The following MME variants were observed in gnomAD, a reference collection of about 807,000 sequenced individuals.
MME encodes membrane metalloendopeptidase, also known as neprilysin.
A neutral mutation model predicts 113.2 loss-of-function variants in MME; 98 were observed. That is an observed-to-expected ratio of 0.87 (90% CI 0.74 to 1.02). The LOEUF (loss-of-function observed/expected upper bound fraction) is 1.02. MME is among the 50% of genes least tolerant of loss of function. The pLI, the probability that MME is intolerant of heterozygous loss-of-function variation, is 0.00. For synonymous variants in MME, 292 were observed against 300.6 expected (o/e 0.97, Z 0.30); for missense variants, 836 against 896.0 (o/e 0.93, Z 0.86).
intron 3 of MME, among the ~76,000 whole-genome samples, chr3:155,109,857 C>T (rs1718038390): frequency 6.6e-6 from 1 of 152,206 alleles, no homozygotes; most frequent in African/African-American, 2.4e-5. Context: ...TTCCAATGTG[C>T]TCCAAAGATA....
Position 155,183,390 on chromosome 3 carries a change from C to A in MME, c.*2931C>A, listed in dbSNP as rs552089065. On this transcript the variant is annotated 3_prime_UTR_variant, in exon 23 of 23. Transcript: ENST00000360490. ...TGTCTCCCAGTTATGAATCAGTGGG[C>A]AGGATAAACTGAAAACTCCCATTTA... The A allele has an allele frequency of 6.6e-6, 1 of 152,164 alleles. No individual in the cohort carries two copies. The highest frequency in any genetic ancestry group is 2.4e-5 in the African/African-American group (1 of 41,436). The allele number at this position is 152,164 out of a possible 1,614,324, so 9.4% of individuals were successfully genotyped here.
intron 1 of MME, among the ~76,000 whole-genome samples, chr3:155,070,034 A>G (rs1401691037): frequency 6.6e-6 from 1 of 152,214 alleles, no homozygotes; most frequent in East Asian, 1.9e-4. Context: ...AGACAGGTGG[A>G]CGATGCAAAC....
In MME at chr3:155,138,083, T is replaced by C; in HGVS notation, c.721-19T>C. The C allele has an allele frequency of 6.2e-7, 1 of 1,613,368 alleles. No homozygotes were observed. ...ATTTAGAGCTACTCCAACAGTTTAG[T>C]GCTATTTTTTTCTTGCAGGCTTGTA... On this transcript the variant is annotated intron_variant, in intron 8 of 22. Coordinates refer to ENST00000360490, the MANE Select transcript of MME (RefSeq NM_007289.4).
chr3:155,172,262 A>C, intron 21 of MME, 50 bp downstream of exon 21: 1 of 1,274,114 alleles, frequency 7.8e-7, no homozygotes, highest in Admixed American at 1.7e-5. Flanking sequence ...TTGAGTTATA[A>C]TTTCACAGTA....
At chr3:155,028,175 T>C (rs1378547436) in intron 1 of MME, among the ~76,000 whole-genome samples, 1 of 152,142 alleles carries the variant, frequency 6.6e-6, no homozygotes, top group African/African-American at 2.4e-5. Flanking sequence ...ATTTCTACTC[T>C]CCAGGATCTT....
intron 1 of MME, among the ~76,000 whole-genome samples, chr3:155,062,891 C>T (rs1714197012): frequency 2.6e-5 from 4 of 151,106 alleles, no homozygotes; most frequent in Non-Finnish European, 5.9e-5. Context: ...CAAAAATTAG[C>T]TGGGCATGGT....
chr3:155,098,175 T>C (rs1215338477), intron 3 of MME, among the ~76,000 whole-genome samples: 2 of 152,084 alleles, frequency 1.3e-5, no homozygotes, highest in Non-Finnish European at 2.9e-5. Flanking sequence ...GGCAAGGGAA[T>C]GAAATACTTT....
At chr3:155,100,802 T>G (rs1339762235) in intron 3 of MME, among the ~76,000 whole-genome samples, 1 of 152,186 alleles carries the variant, frequency 6.6e-6, no homozygotes, top group Non-Finnish European at 1.5e-5. Context: ...CAGGATCACT[T>G]GAGCCCAGGA....
chr3:155,129,433 C>T (rs1719958816), intron 8 of MME, among the ~76,000 whole-genome samples: 1 of 152,088 alleles, frequency 6.6e-6, no homozygotes, highest in African/African-American at 2.4e-5. Context: ...TGAAAATAGC[C>T]CCCACAATTA....
intron 8 of MME, among the ~76,000 whole-genome samples, chr3:155,131,192 G>C (rs538094196): frequency 6.6e-6 from 1 of 152,330 alleles, no homozygotes; most frequent in South Asian, 2.1e-4. Context: ...TAATTCATGT[G>C]AAAGATAACG....
At chr3:155,064,319 AATATATGT>A (rs1396199300) in intron 1 of MME, among the ~76,000 whole-genome samples, 1 of 152,096 alleles carries the variant, frequency 6.6e-6, no homozygotes, top group Non-Finnish European at 1.5e-5. Context: ...TAATATAACA[AATATATGT>A]ATATATGTAA....
chr3:155,068,419 T>C (rs1714453780), intron 1 of MME, among the ~76,000 whole-genome samples: 1 of 152,232 alleles, frequency 6.6e-6, no homozygotes, highest in Non-Finnish European at 1.5e-5. Context: ...TATTAAATTA[T>C]ACACTTAAAT....
At chr3:155,159,070 A>C (rs1313804032) in intron 16 of MME, 1 of 152,128 alleles carries the variant, frequency 6.6e-6, no homozygotes, top group Non-Finnish European at 1.5e-5. Flanking sequence ...TGTTGTAGAC[A>C]AAACCCATTC....
At chr3:155,093,710 T>G (rs1161251364) in intron 3 of MME, among the ~76,000 whole-genome samples, 1 of 151,794 alleles carries the variant, frequency 6.6e-6, no homozygotes, top group Non-Finnish European at 1.5e-5. Context: ...ACAAAAACTA[T>G]CTGGGCATGG....
intron 1 of MME, among the ~76,000 whole-genome samples, chr3:155,071,812 C>T (rs1268016981): frequency 6.6e-6 from 1 of 152,174 alleles, no homozygotes; most frequent in Non-Finnish European, 1.5e-5. Context: ...GATTTTACCT[C>T]AAAAATCTCT....
At chr3:155,063,020 G>A (rs1714202947) in intron 1 of MME, among the ~76,000 whole-genome samples, 1 of 127,530 alleles carries the variant, frequency 7.8e-6, no homozygotes, top group Admixed American at 8.9e-5. Flanking sequence ...GGGACAGACT[G>A]AGACTCCATC....
At chr3:155,095,571 G>C in intron 3 of MME, among the ~76,000 whole-genome samples, 1 of 151,682 alleles carries the variant, frequency 6.6e-6, no homozygotes, top group East Asian at 1.9e-4. Flanking sequence ...TTAGAGGCAG[G>C]GTCTCCTTAT....
chr3:155,064,120 T>C (rs1714304206), intron 1 of MME, among the ~76,000 whole-genome samples: 1 of 151,866 alleles, frequency 6.6e-6, no homozygotes, highest in African/African-American at 2.4e-5. Flanking sequence ...GCAAACTCTG[T>C]CTCTACTAAA....
upstream of MME, among the ~76,000 whole-genome samples, chr3:155,078,758 A>C (rs1714872260): frequency 6.6e-6 from 1 of 152,168 alleles, no homozygotes; most frequent in Non-Finnish European, 1.5e-5. Context: ...GGAAGCAAAA[A>C]AAAAAGGAAG....
Sources: gnomAD v4.1 joint callset for allele counts (sites outside exome capture counted in the v4.1 genomes callset) on GRCh38, gnomAD v4.1.1 for gene constraint, MANE v1.5 for transcripts, NCBI Gene and HGNC (gene_info 2026-07-23, HGNC 2026-07-21) for gene names.